MDGA2: variants seen among roughly 807,000 people sequenced by gnomAD.
MDGA2 encodes the protein MAM domain-containing glycosylphosphatidylinositol anchor protein 2.
In MDGA2, 40 loss-of-function variants were observed where a neutral mutation model predicts 117.8. That is an observed-to-expected ratio of 0.34 (90% CI 0.26 to 0.44). The LOEUF is 0.44. MDGA2 is among the 20% of genes least tolerant of loss of function. MDGA2 has a pLI of 1.00. For missense variants in MDGA2, 1,123 were observed against 1,250.6 expected (o/e 0.90, Z 1.54); for synonymous variants, 452 against 439.0 (o/e 1.03, Z -0.37).
Position 47,301,516 on chromosome 14 carries a change from C to T in MDGA2, c.315G>A (p.Leu105=), listed in dbSNP as rs996911886. 1.3e-6 allele frequency: 2 copies of T among 1,551,474 alleles called. No homozygotes were observed. Among genetic ancestry groups the T allele is most frequent in the African/African-American group, 2.7e-5 (2 of 73,034 alleles). Residue 105 remains leucine, a synonymous_variant, in exon 2 of 17, where the codon TTG becomes TTA. Coordinates refer to ENST00000399232, the MANE Select transcript of MDGA2 (RefSeq NM_001113498.3). ...PPTVRIVHSG[L]ACNIEEERYS... is the part of the protein sequence containing the mutation. ...AGCGCTCCTCTTCAATGTTACAGGCCAAGCCTGAGTGCACAATACGAACCG... is the reference window on the plus strand; with the variant it reads ...AGCGCTCCTCTTCAATGTTACAGGCTAAGCCTGAGTGCACAATACGAACCG...
intron 1 of MDGA2, among the ~76,000 whole-genome samples, chr14:47,670,958 T>C (rs561156987): frequency 6.6e-6 from 1 of 152,252 alleles, no homozygotes; most frequent in South Asian, 2.1e-4. Flanking sequence ...AAAATTGCCT[T>C]GGTTAGTCCA....
At position 46,864,819 on chromosome 14, in the gene MDGA2, T is replaced by G. The variant is rs541014563; in HGVS notation, c.2752+8614A>C. Among the ~76,000 whole-genome samples, 12 of 152,110 alleles carry G rather than the reference T, an allele frequency of 7.9e-5. No individual in the cohort carries two copies. The East Asian group carries it at 2.1e-3, about 27-fold the overall frequency. ...TCCCTAATATCTAAATGGAGAACAC[T>G]AAGGAGCCTTATCTATCCCCTCAGC... On this transcript the variant is annotated intron_variant, in intron 14 of 16. Coordinates refer to ENST00000399232, the MANE Select transcript of MDGA2 (RefSeq NM_001113498.3).
Position 47,400,925 on chromosome 14 carries a change from T to C in MDGA2, c.281-99375A>G, listed in dbSNP as rs1892131938. 2.7e-5 allele frequency among the ~76,000 whole-genome samples: 4 copies of C among 149,264 alleles called. No homozygotes were observed. The South Asian group carries it at 8.8e-4, about 33-fold the overall frequency. ...GGCACCCACCACCACGCCCGGCTAA[T>C]TTTTTGTATTTTTAGTAGAGACGGG... On this transcript the variant is annotated intron_variant, in intron 1 of 16. Transcript: ENST00000399232.
chr14:47,577,604 C>T (rs565982440), intron 1 of MDGA2, among the ~76,000 whole-genome samples: 1 of 152,138 alleles, frequency 6.6e-6, no homozygotes, highest in African/African-American at 2.4e-5. Context: ...GAAAAAACAA[C>T]CCCATCAAAA....
intron 3 of MDGA2, among the ~76,000 whole-genome samples, chr14:47,162,666 T>G (rs1010713690): frequency 7.9e-5 from 12 of 152,136 alleles, no homozygotes; most frequent in African/African-American, 2.9e-4. Flanking sequence ...TGTAATTATT[T>G]TTCTAAAATT....
chr14:46,972,785 GA>G (rs1317468461), intron 8 of MDGA2, among the ~76,000 whole-genome samples: 3 of 151,992 alleles, frequency 2.0e-5, no homozygotes, highest in Admixed American at 6.6e-5. Flanking sequence ...GGACTCTATT[GA>G]AATTATTTTT....
At chr14:47,404,128 G>T (rs756128258) in intron 1 of MDGA2, among the ~76,000 whole-genome samples, 27 of 151,870 alleles carry the variant, frequency 1.8e-4, no homozygotes, top group South Asian at 1.2e-3. Context: ...TTTTGTTATA[G>T]AGAGTCATCA....
intron 8 of MDGA2, among the ~76,000 whole-genome samples, chr14:47,033,080 C>A (rs1888719854): frequency 6.6e-6 from 1 of 152,140 alleles, no homozygotes; most frequent in Non-Finnish European, 1.5e-5. Context: ...TTATGTTCAT[C>A]CCTGTCACAC....
Position 46,840,499 on chromosome 14 carries a change from T to C in MDGA2, c.*1432A>G, listed in dbSNP as rs1880564487. 6.6e-6 allele frequency: 1 copy of C among 152,564 alleles called. No individual in the cohort carries two copies. Among genetic ancestry groups the C allele is most frequent in the Admixed American group, 6.6e-5 (1 of 15,250 alleles). The allele number at this position is 152,564 out of a possible 1,614,324, so 9.5% of individuals were successfully genotyped here. On this transcript the variant is annotated 3_prime_UTR_variant, in exon 17 of 17. Transcript: ENST00000399232. ...TTTGTCGTCAGGTAGCTCAAAATTA[T>C]TTTTACAGGTTTTTGTTTTTTTGTA...
chr14:47,415,719 T>C (rs558753225), intron 1 of MDGA2, among the ~76,000 whole-genome samples: 1 of 152,224 alleles, frequency 6.6e-6, no homozygotes, highest in African/African-American at 2.4e-5. Context: ...AGAACAACAA[T>C]TTATTTCTCG....
At chr14:46,969,179 T>C (rs1449896388) in intron 8 of MDGA2, among the ~76,000 whole-genome samples, 3 of 152,184 alleles carry the variant, frequency 2.0e-5, no homozygotes, top group Non-Finnish European at 2.9e-5. Context: ...TTCCAAGTCT[T>C]TGCTATTGTG....
At chr14:47,360,204 A>T (rs1175017777) in intron 1 of MDGA2, among the ~76,000 whole-genome samples, 1 of 151,738 alleles carries the variant, frequency 6.6e-6, no homozygotes, top group African/African-American at 2.4e-5. Context: ...ATACAAAATT[A>T]GCCGGATGTG....
chr14:47,333,575 G>A (rs1338422149), intron 1 of MDGA2, among the ~76,000 whole-genome samples: 1 of 151,592 alleles, frequency 6.6e-6, no homozygotes, highest in East Asian at 1.9e-4. Flanking sequence ...ATTATTTTTT[G>A]TTAGTAATAT....
At position 47,674,831 on chromosome 14, in the gene MDGA2, CCACAA is replaced by C. The variant is rs766755388; in HGVS notation, c.-40_-36del. ...CACTCACACACACTCACACACTCTC[CCACAA>C]CACAATACCCTGACACACACTCACA... On this transcript the variant is annotated 5_prime_UTR_variant, in exon 1 of 17. Transcript: ENST00000399232. 33 of 627,332 alleles carry C rather than the reference CCACAA, an allele frequency of 5.3e-5. No homozygotes were observed. The highest frequency in any genetic ancestry group is 4.0e-4 in the Middle Eastern group (1 of 2,492). 38.9% of individuals were successfully genotyped at this position (627,332 alleles called of 1,614,324 possible).
At chr14:47,095,636 A>G (rs1054566026) in intron 6 of MDGA2, among the ~76,000 whole-genome samples, 1 of 147,918 alleles carries the variant, frequency 6.8e-6, no homozygotes, top group African/African-American at 2.4e-5. Flanking sequence ...TTATACATGT[A>G]CATATGTACA....
At chr14:47,220,289 A>C (rs898896558) in intron 2 of MDGA2, among the ~76,000 whole-genome samples, 1 of 152,158 alleles carries the variant, frequency 6.6e-6, no homozygotes, top group Non-Finnish European at 1.5e-5. Flanking sequence ...TACAAAGAAA[A>C]TTGTTCAGGC....
At chr14:47,446,754 C>G (rs1426049136) in intron 1 of MDGA2, among the ~76,000 whole-genome samples, 1 of 151,774 alleles carries the variant, frequency 6.6e-6, no homozygotes, top group Non-Finnish European at 1.5e-5. Context: ...AAAGCCTAAG[C>G]CAGGGTATGT....
intron 2 of MDGA2, among the ~76,000 whole-genome samples, chr14:47,275,767 T>C (rs1888292163): frequency 6.6e-6 from 1 of 152,148 alleles, no homozygotes; most frequent in African/African-American, 2.4e-5. Context: ...GTTTAGTACA[T>C]TGAACTGAAG....
At chr14:47,371,766 T>G (rs1038849395) in intron 1 of MDGA2, among the ~76,000 whole-genome samples, 1 of 151,800 alleles carries the variant, frequency 6.6e-6, no homozygotes, top group African/African-American at 2.4e-5. Context: ...GATTTATAAA[T>G]TCTAAGTTTC....
Sources: allele counts gnomAD v4.1 joint callset (sites outside exome capture counted in the v4.1 genomes callset), GRCh38; gene constraint gnomAD v4.1.1; transcripts MANE v1.5; gene names NCBI Gene and HGNC (gene_info 2026-07-23, HGNC 2026-07-21).